DGKB: variants seen among roughly 807,000 people sequenced by gnomAD.
DGKB encodes 90 kDa diacylglycerol kinase.
DGKB carries 67 observed loss-of-function variants against 114.3 expected under a neutral mutation model. The observed-to-expected ratio is 0.59, with a 90% CI of 0.48 to 0.72. The LOEUF is 0.72. DGKB is among the 30% of genes least tolerant of loss of function. The probability of loss-of-function intolerance (pLI) is 0.00; values close to 1 mark genes in which losing one functional copy is unlikely to be tolerated. For synonymous variants in DGKB, 398 were observed against 323.1 expected (o/e 1.23, Z -2.49); for missense variants, 907 against 975.2 (o/e 0.93, Z 0.93).
intron 20 of DGKB, among the ~76,000 whole-genome samples, chr7:14,520,193 C>A (rs1789520053): frequency 7.1e-6 from 1 of 140,348 alleles, no homozygotes; most frequent in Non-Finnish European, 1.5e-5. Context: ...GTATTATTGA[C>A]TTTTATCTTT....
intron 21 of DGKB, among the ~76,000 whole-genome samples, chr7:14,392,820 A>G (rs1435421053): frequency 6.6e-6 from 1 of 152,118 alleles, no homozygotes; most frequent in Non-Finnish European, 1.5e-5. Flanking sequence ...TCGACTGACT[A>G]GAAGACATTT....
intron 21 of DGKB, among the ~76,000 whole-genome samples, chr7:14,348,461 T>C (rs1812863176): frequency 6.6e-6 from 1 of 151,306 alleles, no homozygotes; most frequent in Non-Finnish European, 1.5e-5. Context: ...AGAAAAGACA[T>C]AAACAGACAT....
chr7:14,722,077 C>T (rs112746908), intron 5 of DGKB, among the ~76,000 whole-genome samples: 4,050 of 152,278 alleles, frequency 0.027, 88 homozygotes, highest in South Asian at 0.047. Context: ...CAAAGTAGTA[C>T]GTTAGTTACA....
intron 1 of DGKB, among the ~76,000 whole-genome samples, chr7:14,870,519 C>A (rs965614513): frequency 6.6e-6 from 1 of 151,964 alleles, no homozygotes; most frequent in Non-Finnish European, 1.5e-5. Context: ...AATAATTGGC[C>A]AGGTGTGATG....
intron 23 of DGKB, among the ~76,000 whole-genome samples, chr7:14,263,545 C>T (rs1361594827): frequency 6.6e-6 from 1 of 152,128 alleles, no homozygotes; most frequent in African/African-American, 2.4e-5. Context: ...ATGGCTAAAT[C>T]CTGCATATCT....
At chr7:14,241,941 TATACACACACACATATAC>T (rs1562716060) in intron 23 of DGKB, among the ~76,000 whole-genome samples, 1 of 78,330 alleles carries the variant, frequency 1.3e-5, no homozygotes, top group African/African-American at 3.5e-5. Context: ...CATATAGATA[TATACACACACACATATAC>T]ACACACACAC....
At chr7:14,265,375 A>G (rs38276) in intron 23 of DGKB, among the ~76,000 whole-genome samples, 73,091 of 134,188 alleles carry the variant, frequency 0.54, 22,120 homozygotes, top group East Asian at 0.98. Context: ...CCATCTTAAC[A>G]TTAACTAGCC....
At chr7:14,283,443 G>A (rs1800305398) in intron 23 of DGKB, among the ~76,000 whole-genome samples, 1 of 151,114 alleles carries the variant, frequency 6.6e-6, no homozygotes, top group South Asian at 2.1e-4. Context: ...ACTGCCCAAG[G>A]TAATTTACAG....
intron 17 of DGKB, among the ~76,000 whole-genome samples, chr7:14,603,389 G>A (rs1461854176): frequency 6.6e-6 from 1 of 151,924 alleles, no homozygotes; most frequent in Non-Finnish European, 1.5e-5. Flanking sequence ...AGCCTTTTGA[G>A]GATTCTGTTC....
intron 21 of DGKB, among the ~76,000 whole-genome samples, chr7:14,411,873 C>T (rs1007645700): frequency 6.6e-6 from 1 of 152,084 alleles, no homozygotes; most frequent in African/African-American, 2.4e-5. Context: ...TGGTTTAATA[C>T]ATTATGTCAT....
At chr7:14,284,501 C>G (rs1217462745) in intron 23 of DGKB, among the ~76,000 whole-genome samples, 1 of 144,978 alleles carries the variant, frequency 6.9e-6, no homozygotes, top group African/African-American at 2.9e-5. Context: ...CCCAGCCATC[C>G]TATTACTGGG....
At chr7:14,271,021 C>T (rs1437493573) in intron 23 of DGKB, among the ~76,000 whole-genome samples, 2 of 152,150 alleles carry the variant, frequency 1.3e-5, no homozygotes, top group African/African-American at 2.4e-5. Context: ...TGTTACAATA[C>T]AGGTACAAGC....
chr7:14,254,512 G>C (rs1191756064), intron 23 of DGKB, among the ~76,000 whole-genome samples: 1 of 152,032 alleles, frequency 6.6e-6, no homozygotes, highest in Non-Finnish European at 1.5e-5. Flanking sequence ...TAAAATGTTA[G>C]TTACATCACC....
At chr7:14,756,156 C>A (rs10277424) in intron 3 of DGKB, among the ~76,000 whole-genome samples, 13,805 of 152,010 alleles carry the variant, frequency 0.091, 801 homozygotes, top group East Asian at 0.23. Flanking sequence ...TTGTAGCCAG[C>A]AGCTATCATT....
intron 20 of DGKB, among the ~76,000 whole-genome samples, chr7:14,506,691 C>G (rs915529680): frequency 6.6e-6 from 1 of 152,194 alleles, no homozygotes; most frequent in African/African-American, 2.4e-5. Context: ...CCTAGAGTCC[C>G]TGCCAGTCCA....
chr7:14,313,952 C>T (rs569026876), intron 23 of DGKB, among the ~76,000 whole-genome samples: 4 of 152,348 alleles, frequency 2.6e-5, no homozygotes, highest in South Asian at 4.1e-4. Context: ...GGCAGACTGC[C>T]TCCTCAAGTG....
intron 17 of DGKB, among the ~76,000 whole-genome samples, chr7:14,595,611 T>G (rs906081245): frequency 6.7e-6 from 1 of 150,010 alleles, no homozygotes; most frequent in Non-Finnish European, 1.5e-5. Context: ...TAAATATGTA[T>G]AAATAAATAC....
intron 1 of DGKB, among the ~76,000 whole-genome samples, chr7:14,973,610 C>A (rs1015589298): frequency 9.3e-5 from 13 of 139,590 alleles, no homozygotes; most frequent in Admixed American, 4.4e-4. Flanking sequence ...AAAGATATTT[C>A]TGTTTTTCTT....
At chr7:14,404,211 G>C (rs1165940578) in intron 21 of DGKB, among the ~76,000 whole-genome samples, 1 of 150,596 alleles carries the variant, frequency 6.6e-6, no homozygotes, top group African/African-American at 2.4e-5. Context: ...GAAACTGTTG[G>C]ATGCTGATAT....
Sources: gnomAD v4.1 joint callset for allele counts (sites outside exome capture counted in the v4.1 genomes callset) on GRCh38, gnomAD v4.1.1 for gene constraint, MANE v1.5 for transcripts, NCBI Gene and HGNC (gene_info 2026-07-23, HGNC 2026-07-21) for gene names.